Variants in SOCS2 observed in about 807,000 individuals in gnomAD.
SOCS2 encodes CIS-2.
Under a neutral mutation model 18.6 loss-of-function variants are expected in SOCS2, and 10 were observed. That is an observed-to-expected ratio of 0.54 (90% CI 0.33 to 0.91). SOCS2 has a LOEUF of 0.91. Ranked by LOEUF, SOCS2 falls within the 40% of genes least tolerant of loss-of-function variation. The pLI is 0.02. For synonymous variants in SOCS2, 104 were observed against 104.0 expected (o/e 1.00, Z 0.00); for missense variants, 231 against 247.2 (o/e 0.93, Z 0.44).
the SOCS2 span, among the ~76,000 whole-genome samples, chr12:93,613,988 G>T: frequency 6.6e-6 from 1 of 152,098 alleles, no homozygotes; most frequent in Non-Finnish European, 1.5e-5. Context: ...TCCTCATTTT[G>T]CATGATGTTT....
chr12:93,607,540 A>C, the SOCS2 span, among the ~76,000 whole-genome samples: 1 of 152,222 alleles, frequency 6.6e-6, no homozygotes, highest in Non-Finnish European at 1.5e-5. Context: ...AAACGTTAAA[A>C]TTGAAGTCAT....
At chr12:93,593,120 A>G in the SOCS2 span, among the ~76,000 whole-genome samples, 2 of 151,874 alleles carry the variant, frequency 1.3e-5, no homozygotes, top group Non-Finnish European at 2.9e-5. Context: ...CACTCCTGAC[A>G]CCAGATTGGG....
At chr12:93,601,922 A>G in the SOCS2 span, among the ~76,000 whole-genome samples, 2 of 152,198 alleles carry the variant, frequency 1.3e-5, no homozygotes, top group East Asian at 3.9e-4. Flanking sequence ...TATATAGCAA[A>G]AGTAAAAATC....
chr12:93,571,142 C>T (rs918988382), upstream of SOCS2: 1 of 153,860 alleles, frequency 6.5e-6, no homozygotes, highest in Non-Finnish European at 1.5e-5. Flanking sequence ...GCGTGGCCCG[C>T]GGACAGTGCG....
chr12:93,607,007 T>C, the SOCS2 span, among the ~76,000 whole-genome samples: 161 of 152,286 alleles, frequency 1.1e-3, no homozygotes, highest in African/African-American at 3.7e-3. Context: ...GGGTAGTACA[T>C]TTGGGTGTTG....
downstream of SOCS2, among the ~76,000 whole-genome samples, chr12:93,576,974 G>A (rs988842716): frequency 5.3e-5 from 8 of 152,178 alleles, no homozygotes; most frequent in East Asian, 3.9e-4. Flanking sequence ...TTCATTCACC[G>A]TTTTTCTCCC....
chr12:93,614,363 TTC>T, the SOCS2 span, among the ~76,000 whole-genome samples: 2 of 17,508 alleles, frequency 1.1e-4, no homozygotes, highest in South Asian at 2.3e-3. Context: ...GCAATTTTCC[TTC>T]TTTCTTTCTT....
chr12:93,610,872 A>T, the SOCS2 span, among the ~76,000 whole-genome samples: 1 of 152,196 alleles, frequency 6.6e-6, no homozygotes, highest in African/African-American at 2.4e-5. Flanking sequence ...GTTGTTTCTA[A>T]GTCACCCAGT....
intron 1 of SOCS2, 140 bp downstream of exon 1, chr12:93,573,176 C>T (rs1392776306): frequency 8.8e-7 from 1 of 1,138,706 alleles, no homozygotes. Flanking sequence ...AGAGCACGCT[C>T]GCAGGGTCCT....
chr12:93,604,827 A>AT, the SOCS2 span, among the ~76,000 whole-genome samples: 1,677 of 151,414 alleles, frequency 0.011, 143 homozygotes, highest in East Asian at 0.21. Context: ...CCTGGCTGAT[A>AT]TTTTTTTCTT....
the SOCS2 span, among the ~76,000 whole-genome samples, chr12:93,613,975 T>C: frequency 1.3e-5 from 2 of 152,236 alleles, no homozygotes; most frequent in African/African-American, 4.8e-5. Flanking sequence ...GTTTTTTAAT[T>C]ATTCCTCATT....
intron 1 of SOCS2, chr12:93,582,956 C>G (rs1397068141): frequency 6.7e-6 from 1 of 148,196 alleles, no homozygotes; most frequent in Non-Finnish European, 1.5e-5. Context: ...ATAATATATT[C>G]TCATTTATTT....
At chr12:93,615,121 G>T in the SOCS2 span, among the ~76,000 whole-genome samples, 1 of 152,034 alleles carries the variant, frequency 6.6e-6, no homozygotes, top group Non-Finnish European at 1.5e-5. Flanking sequence ...TGGGATAGGT[G>T]CCCCTTTTCT....
the SOCS2 span, among the ~76,000 whole-genome samples, chr12:93,615,759 C>A: frequency 6.6e-6 from 1 of 152,136 alleles, no homozygotes; most frequent in Admixed American, 6.5e-5. Context: ...CCATGTTCAG[C>A]TAATTTTTGT....
chr12:93,570,582 A>T (rs1482720091), upstream of SOCS2: 1 of 152,304 alleles, frequency 6.6e-6, no homozygotes, highest in African/African-American at 2.4e-5. Context: ...CGCCGCCGGG[A>T]TGTTTAGAGG....
chr12:93,580,238 C>T (rs1954519542), downstream of SOCS2, among the ~76,000 whole-genome samples: 1 of 152,196 alleles, frequency 6.6e-6, no homozygotes, highest in East Asian at 1.9e-4. Flanking sequence ...TTTGTTTTTG[C>T]TAAGCATTTT....
chr12:93,622,893 G>C, the SOCS2 span, among the ~76,000 whole-genome samples: 1 of 152,094 alleles, frequency 6.6e-6, no homozygotes, highest in Non-Finnish European at 1.5e-5. Flanking sequence ...ACTTATGGAA[G>C]GTTTGAGCCA....
At chr12:93,623,258 T>C in the SOCS2 span, among the ~76,000 whole-genome samples, 2 of 152,150 alleles carry the variant, frequency 1.3e-5, no homozygotes, top group African/African-American at 4.8e-5. Context: ...TCCTTTCTCC[T>C]GCTGCCATGT....
chr12:93,585,721 C>T (rs537161443), downstream of SOCS2, among the ~76,000 whole-genome samples: 4 of 152,236 alleles, frequency 2.6e-5, no homozygotes, highest in Admixed American at 1.3e-4. Flanking sequence ...GTCTCTCCTT[C>T]GTGTAAGCCA....
Sources: allele counts gnomAD v4.1 joint callset (sites outside exome capture counted in the v4.1 genomes callset), GRCh38; gene constraint gnomAD v4.1.1; transcripts MANE v1.5; gene names NCBI Gene and HGNC (gene_info 2026-07-23, HGNC 2026-07-21).